The following NALCN variants were observed in gnomAD, a reference collection of about 807,000 sequenced individuals.
NALCN encodes sodium leak channel NALCN.
Under a neutral mutation model 225.3 loss-of-function variants are expected in NALCN, and 111 were observed. The ratio of observed to expected loss-of-function variants is 0.49; its 90% confidence interval spans 0.42 to 0.58. The LOEUF (loss-of-function observed/expected upper bound fraction) is 0.58. NALCN is among the 20% of genes least tolerant of loss of function. The probability of loss-of-function intolerance (pLI) is 0.00; values close to 1 mark genes in which losing one functional copy is unlikely to be tolerated. For missense variants in NALCN, 1,378 were observed against 2,202.4 expected (o/e 0.63, Z 7.49); for synonymous variants, 764 against 769.0 (o/e 0.99, Z 0.11).
intron 7 of NALCN, among the ~76,000 whole-genome samples, chr13:101,313,515 T>C (rs879022757): frequency 7.2e-5 from 11 of 151,978 alleles, no homozygotes; most frequent in African/African-American, 2.7e-4. Context: ...GGGTGAAGGA[T>C]ATGAACAGAC....
At chr13:101,204,196 A>G (rs1049321375) in intron 13 of NALCN, among the ~76,000 whole-genome samples, 6 of 152,220 alleles carry the variant, frequency 3.9e-5, no homozygotes, top group African/African-American at 1.4e-4. Flanking sequence ...TTATGTTAAT[A>G]GAACTTAGGC....
chr13:101,186,537 G>A (rs982955446), intron 14 of NALCN, among the ~76,000 whole-genome samples: 2 of 152,124 alleles, frequency 1.3e-5, no homozygotes, highest in African/African-American at 4.8e-5. Flanking sequence ...TTTGTGAACT[G>A]GGGAAGTGAC....
intron 6 of NALCN, among the ~76,000 whole-genome samples, chr13:101,361,984 T>C (rs145183167): frequency 6.6e-6 from 1 of 152,122 alleles, no homozygotes; most frequent in African/African-American, 2.4e-5. Context: ...CAATTTATTC[T>C]GAAATATATT....
chr13:101,066,954 A>G (rs2139432887), intron 39 of NALCN, among the ~76,000 whole-genome samples: 1 of 152,204 alleles, frequency 6.6e-6, no homozygotes, highest in Non-Finnish European at 1.5e-5. Context: ...CTGCCGGCGC[A>G]GCCCCAACCC....
intron 12 of NALCN, among the ~76,000 whole-genome samples, chr13:101,231,434 G>A (rs956043521): frequency 2.6e-5 from 4 of 152,132 alleles, no homozygotes; most frequent in African/African-American, 7.2e-5. Flanking sequence ...TGATTAGTAT[G>A]TATAAATTAG....
At chr13:101,306,827 C>T (rs2044168331) in intron 7 of NALCN, among the ~76,000 whole-genome samples, 1 of 152,176 alleles carries the variant, frequency 6.6e-6, no homozygotes, top group Non-Finnish European at 1.5e-5. Flanking sequence ...GGATCCTGCC[C>T]TCCATGCAAG....
At chr13:101,362,772 T>A (rs2046284375) in intron 6 of NALCN, among the ~76,000 whole-genome samples, 1 of 151,914 alleles carries the variant, frequency 6.6e-6, no homozygotes, top group Non-Finnish European at 1.5e-5. Context: ...ATAAACGACA[T>A]CCAAATTGGG....
intron 1 of NALCN, among the ~76,000 whole-genome samples, chr13:101,413,943 G>T (rs1439785560): frequency 2.0e-5 from 3 of 152,086 alleles, no homozygotes; most frequent in Admixed American, 6.5e-5. Context: ...AGAGTACAGT[G>T]GTGCCATCAT....
rs1414352516 is a variant in NALCN, at chr13:101,089,986, A to G, written c.3270-20T>C. On this transcript the variant is annotated intron_variant, in intron 28 of 43. Coordinates refer to ENST00000251127, the MANE Select transcript of NALCN (RefSeq NM_052867.4). The surrounding 1 kb of genome is among the most constrained non-coding windows in gnomAD (Gnocchi z 4.7). The stretch of plus-strand genomic sequence containing the variant: ...TTCGCCCTGCGATTCCAATACAGGA[A>G]TGTTCTGTGAAATTCCAATAAGCAG... 6.2e-7 allele frequency: 1 copy of G among 1,613,436 alleles called. No individual in the cohort carries two copies. The highest frequency in any genetic ancestry group is 1.7e-5 in the Admixed American group (1 of 59,972).
At chr13:101,238,899 C>T (rs574575198) in intron 11 of NALCN, among the ~76,000 whole-genome samples, 2 of 151,910 alleles carry the variant, frequency 1.3e-5, no homozygotes, top group African/African-American at 4.8e-5. Context: ...AGAAATGAAA[C>T]ATTAAAGGCA....
Position 101,060,011 on chromosome 13 carries a change from C to T in NALCN, c.4756-44G>A, listed in dbSNP as rs2031720831. On this transcript the variant is annotated intron_variant, in intron 41 of 43. Transcript: ENST00000251127. ...TTGTTCAGTAAAATAAGCCCAGCATCCTGCCTGCCCCACCGCCACACAAAT... is the reference window on the plus strand; with the variant it reads ...TTGTTCAGTAAAATAAGCCCAGCATTCTGCCTGCCCCACCGCCACACAAAT... 3.7e-6 allele frequency: 6 copies of T among 1,602,334 alleles called. No individual in the cohort carries two copies. In the East Asian group the frequency reaches 1.1e-4, roughly 30 times the overall value.
chr13:101,260,863 G>A (rs1159436643), intron 10 of NALCN, among the ~76,000 whole-genome samples: 1 of 152,136 alleles, frequency 6.6e-6, no homozygotes, highest in African/African-American at 2.4e-5. Flanking sequence ...CTGTGCAGAA[G>A]CTTTGTAACT....
At chr13:101,183,397 G>A (rs1356462194) in intron 14 of NALCN, among the ~76,000 whole-genome samples, 1 of 152,100 alleles carries the variant, frequency 6.6e-6, no homozygotes, top group Non-Finnish European at 1.5e-5. Context: ...TCTAAATTAT[G>A]CAACTAATTT....
intron 10 of NALCN, among the ~76,000 whole-genome samples, chr13:101,270,796 C>A (rs577979942): frequency 1.8e-4 from 27 of 152,180 alleles, no homozygotes; most frequent in African/African-American, 5.5e-4. Context: ...ACAGCACTTT[C>A]AAACCCTGGG....
At chr13:101,255,972 C>T (rs528776881) in intron 11 of NALCN, among the ~76,000 whole-genome samples, 12 of 152,252 alleles carry the variant, frequency 7.9e-5, no homozygotes, top group South Asian at 4.1e-4. Flanking sequence ...ATCAGTCACT[C>T]GCTCATTCCC....
intron 22 of NALCN, 98 bp from the exon 23 acceptor site, chr13:101,105,048 T>G: frequency 4.0e-6 from 4 of 997,942 alleles, no homozygotes; most frequent in South Asian, 2.8e-5. Context: ...CTAAAATCTC[T>G]TTTACAGCCT....
chr13:101,144,902 GA>G lies in NALCN; in HGVS notation c.1840-7del. The stretch of plus-strand genomic sequence containing the variant: ...TTTGCTTCACTTTGCTTTAACTAAA[GA>G]AAAATTGGAAAGAAGAAAAAAAGGG... On this transcript the variant is annotated splice_region_variant and splice_polypyrimidine_tract_variant and intron_variant, in intron 15 of 43. Transcript: ENST00000251127. 6.3e-7 allele frequency: 1 copy of G among 1,584,562 alleles called. No individual in the cohort carries two copies. The highest frequency in any genetic ancestry group is 8.6e-7 in the Non-Finnish European group (1 of 1,169,316).
chr13:101,271,276 T>C (rs2042766550), intron 10 of NALCN, among the ~76,000 whole-genome samples: 1 of 151,868 alleles, frequency 6.6e-6, no homozygotes. Context: ...AATATAATTA[T>C]TATTTGAAAT....
chr13:101,416,462 G>T lies in NALCN; in HGVS notation c.-189C>A, dbSNP rs2047951970. On this transcript the variant is annotated 5_prime_UTR_variant, in exon 1 of 44. Transcript: ENST00000251127. ...TACGGCGGCTCAGCTCAGGCAGCGC[G>T]CTCGGCCCGGCTGGGGCCGCGGCTC... The T allele has an allele frequency of 1.3e-5, 2 of 151,874 alleles. No individual in the cohort carries two copies. Among genetic ancestry groups the T allele is most frequent in the African/African-American group, 4.8e-5 (2 of 41,520 alleles). 9.4% of individuals were successfully genotyped at this position (151,874 alleles called of 1,614,324 possible).
Sources: gnomAD v4.1 joint callset for allele counts (sites outside exome capture counted in the v4.1 genomes callset) on GRCh38, gnomAD v4.1.1 for gene constraint, Gnocchi (gnomAD v3.1) non-coding constraint, MANE v1.5 for transcripts, NCBI Gene and HGNC (gene_info 2026-07-23, HGNC 2026-07-21) for gene names.